PLEKHM1: variants seen among roughly 807,000 people sequenced by gnomAD.
PLEKHM1 encodes the protein pleckstrin homology domain-containing family M member 1.
Under a neutral mutation model 94.3 loss-of-function variants are expected in PLEKHM1, and 28 were observed. The ratio of observed to expected loss-of-function variants is 0.30; its 90% CI spans 0.22 to 0.41. The LOEUF is 0.41. Among genes scored for constraint, PLEKHM1 ranks in the 10% least tolerant of loss-of-function variants. PLEKHM1 has a pLI of 1.00. For missense variants in PLEKHM1, 907 were observed against 1,358.6 expected (o/e 0.67, Z 5.22); for synonymous variants, 424 against 581.2 (o/e 0.73, Z 3.89).
intron 5 of PLEKHM1, among the ~76,000 whole-genome samples, chr17:45,466,015 C>T (rs2051310253): frequency 6.6e-6 from 1 of 152,142 alleles, no homozygotes; most frequent in African/African-American, 2.4e-5. Context: ...CTTCAGCCTT[C>T]AGCTTGAGTT....
chr17:45,487,537 G>T (rs1399208350), intron 1 of PLEKHM1, among the ~76,000 whole-genome samples: 4 of 152,206 alleles, frequency 2.6e-5, no homozygotes, highest in African/African-American at 4.8e-5. Context: ...GCCCCAACCA[G>T]CTGAGACCAG....
chr17:45,470,472 T>C (rs1239310131), intron 4 of PLEKHM1, among the ~76,000 whole-genome samples: 2 of 152,294 alleles, frequency 1.3e-5, no homozygotes, highest in Non-Finnish European at 2.9e-5. Flanking sequence ...CTAATAAAAA[T>C]ACAAAAATTA....
chr17:45,467,212 G>A (rs914691039), intron 5 of PLEKHM1, among the ~76,000 whole-genome samples: 14 of 152,204 alleles, frequency 9.2e-5, no homozygotes, highest in African/African-American at 3.1e-4. Context: ...CTCCCAAAGC[G>A]CTGGGGTTAC....
chr17:45,438,667 C>T (rs1256567568), intron 11 of PLEKHM1, among the ~76,000 whole-genome samples: 1 of 152,144 alleles, frequency 6.6e-6, no homozygotes, highest in Non-Finnish European at 1.5e-5. Flanking sequence ...AGTGATTCCC[C>T]TGCCTCAGCC....
chr17:45,475,352 GA>G lies in PLEKHM1; in HGVS notation c.670del (p.Ser224ProfsTer24). Reference sequence around the variant, plus strand: ...GATGTCTTCAGAGCCTGAAGAATGGGAAATGGAATCCAGAGATTCCTTCCGC... The same window carrying G: ...GATGTCTTCAGAGCCTGAAGAATGGGAATGGAATCCAGAGATTCCTTCCGC... ...LQRKESLDSI[S>X]HSSGSEDIEV... On this transcript the variant is annotated frameshift_variant, in exon 4 of 12. Coordinates refer to ENST00000430334, the MANE Select transcript of PLEKHM1 (RefSeq NM_014798.3). LOFTEE classifies it high-confidence loss of function. 6.2e-7 allele frequency: 1 copy of G among 1,613,952 alleles called. No individual in the cohort carries two copies. Among genetic ancestry groups the G allele is most frequent in the South Asian group, 1.1e-5 (1 of 91,078 alleles).
At chr17:45,435,866 C>T, downstream of PLEKHM1, 1 of 432,696 alleles carries the variant, frequency 2.3e-6, no homozygotes, top group Middle Eastern at 3.4e-4. Context: ...TCCCCCCTGG[C>T]CGTGGCAGTG....
At chr17:45,446,052 G>C in intron 8 of PLEKHM1, 1 of 332,404 alleles carries the variant, frequency 3.0e-6, no homozygotes, top group Non-Finnish European at 5.7e-6. Context: ...ACTCCCTTCT[G>C]TGCCCTGACT....
chr17:45,443,841 C>A (rs555030038), intron 9 of PLEKHM1, among the ~76,000 whole-genome samples: 2 of 152,210 alleles, frequency 1.3e-5, no homozygotes, highest in South Asian at 4.1e-4. Context: ...CAGCGCTTGC[C>A]AAGAGGTGGA....
downstream of PLEKHM1, among the ~76,000 whole-genome samples, chr17:45,434,637 G>T (rs986481155): frequency 3.9e-5 from 6 of 152,076 alleles, no homozygotes; most frequent in Admixed American, 6.5e-5. Flanking sequence ...TAGAGACGGG[G>T]TTTCACCATG....
chr17:45,476,740 C>T (rs1435595298), intron 3 of PLEKHM1, among the ~76,000 whole-genome samples: 1 of 152,112 alleles, frequency 6.6e-6, no homozygotes, highest in Non-Finnish European at 1.5e-5. Context: ...GATCAGACCC[C>T]AGGTGTACCA....
intron 1 of PLEKHM1, chr17:45,487,620 T>G: frequency 4.5e-6 from 2 of 440,272 alleles, no homozygotes; most frequent in South Asian, 3.2e-5. Flanking sequence ...AAGGAACAGT[T>G]CCGGTTGGTT....
chr17:45,471,071 T>C (rs899733173), intron 4 of PLEKHM1, among the ~76,000 whole-genome samples: 1 of 152,178 alleles, frequency 6.6e-6, no homozygotes, highest in African/African-American at 2.4e-5. Context: ...ATCCAGAATA[T>C]ATACAGAACA....
intron 5 of PLEKHM1, among the ~76,000 whole-genome samples, chr17:45,463,052 C>T (rs1238951218): frequency 2.0e-5 from 3 of 147,502 alleles, no homozygotes; most frequent in African/African-American, 5.0e-5. Context: ...AGCTATTGCA[C>T]TCCCACCTGG....
chr17:45,449,458 C>G (rs1281639153), intron 8 of PLEKHM1, among the ~76,000 whole-genome samples: 1 of 152,102 alleles, frequency 6.6e-6, no homozygotes, highest in Non-Finnish European at 1.5e-5. Context: ...ATCTACCTAT[C>G]TACCTACCCA....
At chr17:45,483,626 C>T (rs1402848089) in intron 1 of PLEKHM1, among the ~76,000 whole-genome samples, 1 of 152,220 alleles carries the variant, frequency 6.6e-6, no homozygotes, top group East Asian at 1.9e-4. Flanking sequence ...AGCTCTCAAT[C>T]ACCGCACAAA....
chr17:45,437,899 C>T lies in PLEKHM1; in HGVS notation c.3130G>A (p.Ala1044Thr), dbSNP rs145865061. 1.7e-5 allele frequency: 27 copies of T among 1,613,864 alleles called. No individual in the cohort carries two copies. The African/African-American group carries it at 3.1e-4, about 18-fold the overall frequency. ...AVVKKGCPRC[A>T]RRRKYQEQNI... ...TGTTCCTGGTACTTGCGCCGGCGGG[C>T]ACAGCGGGGGCAGCCCTTCTTCACC... The change falls in exon 12 of 12, where the codon GCC (alanine) becomes ACC (threonine). Residue 1044 changes from alanine (A) to threonine (T), a missense_variant. Coordinates refer to ENST00000430334, the MANE Select transcript of PLEKHM1 (RefSeq NM_014798.3). This position sits in a 1 kb window ranked among gnomAD's most constrained non-coding sequence, Gnocchi z 4.0.
intron 4 of PLEKHM1, among the ~76,000 whole-genome samples, chr17:45,469,484 C>T (rs1869237588): frequency 6.6e-6 from 1 of 152,212 alleles, no homozygotes; most frequent in Non-Finnish European, 1.5e-5. Context: ...TGAAAATAAA[C>T]CCGTTTGCTA....
downstream of PLEKHM1, chr17:45,434,358 T>C (rs1288373277): frequency 6.6e-6 from 1 of 152,196 alleles, no homozygotes; most frequent in East Asian, 1.9e-4. Context: ...TTCCTGTCAA[T>C]GGGATAGTAA....
intron 5 of PLEKHM1, among the ~76,000 whole-genome samples, chr17:45,464,490 G>C (rs1567787554): frequency 3.3e-5 from 5 of 152,272 alleles, no homozygotes; most frequent in African/African-American, 1.2e-4. Flanking sequence ...GACCACAGGG[G>C]CAGACATGCA....
Sources: gnomAD v4.1 joint callset for allele counts (sites outside exome capture counted in the v4.1 genomes callset) on GRCh38, gnomAD v4.1.1 for gene constraint, Gnocchi (gnomAD v3.1) non-coding constraint, MANE v1.5 for transcripts, NCBI Gene and HGNC (gene_info 2026-07-23, HGNC 2026-07-21) for gene names.